TSHZ2: variants seen among roughly 807,000 people sequenced by gnomAD.
TSHZ2 encodes the protein teashirt homolog 2.
In TSHZ2, 21 loss-of-function variants were observed where a neutral mutation model predicts 74.4. The ratio of observed to expected loss-of-function variants is 0.28; its 90% CI spans 0.20 to 0.41. The LOEUF (loss-of-function observed/expected upper bound fraction) is 0.41, where lower values mean the gene tolerates loss of function less well. TSHZ2 is among the 10% of genes least tolerant of loss of function. The probability of loss-of-function intolerance (pLI) is 1.00; values close to 1 mark genes in which losing one functional copy is unlikely to be tolerated. For synonymous variants in TSHZ2, 540 were observed against 515.3 expected, an observed-to-expected ratio of 1.05 and a Z score of -0.65; for missense variants, 1,244 against 1,293.5, an observed-to-expected ratio of 0.96 and a Z score of 0.59.
At chr20:53,142,007 A>T (rs1987412107) in intron 1 of TSHZ2, among the ~76,000 whole-genome samples, 1 of 152,188 alleles carries the variant, frequency 6.6e-6, no homozygotes, top group Non-Finnish European at 1.5e-5. Flanking sequence ...CTCTGCTTGG[A>T]AGTTTTAAGA....
chr20:53,470,364 C>G (rs1178798837), intron 2 of TSHZ2, among the ~76,000 whole-genome samples: 1 of 152,138 alleles, frequency 6.6e-6, no homozygotes, highest in Non-Finnish European at 1.5e-5. Flanking sequence ...TTAAATGAAA[C>G]ACTAATAATG....
intron 2 of TSHZ2, among the ~76,000 whole-genome samples, chr20:53,452,402 C>A (rs1984827396): frequency 6.6e-6 from 1 of 152,146 alleles, no homozygotes; most frequent in African/African-American, 2.4e-5. Flanking sequence ...GAGTTCAAGA[C>A]CAGCCTGGCC....
At chr20:53,118,954 G>C (rs148283655) in intron 1 of TSHZ2, among the ~76,000 whole-genome samples, 1 of 152,080 alleles carries the variant, frequency 6.6e-6, no homozygotes, top group African/African-American at 2.4e-5. Context: ...AAGTGGGAGC[G>C]AGAGGGAGAG....
At chr20:53,160,985 C>A (rs1369222265) in intron 1 of TSHZ2, among the ~76,000 whole-genome samples, 1 of 151,618 alleles carries the variant, frequency 6.6e-6, no homozygotes, top group Non-Finnish European at 1.5e-5. Flanking sequence ...AGAATAAAGT[C>A]ATGATAAAGT....
At chr20:53,177,641 T>C (rs191551036) in intron 1 of TSHZ2, among the ~76,000 whole-genome samples, 1 of 152,236 alleles carries the variant, frequency 6.6e-6, no homozygotes, top group South Asian at 2.1e-4. Context: ...TTATATCCTA[T>C]GATTACATTA....
At chr20:53,072,771 G>C (rs1289913257) in intron 1 of TSHZ2, among the ~76,000 whole-genome samples, 2 of 152,160 alleles carry the variant, frequency 1.3e-5, no homozygotes, top group Non-Finnish European at 2.9e-5. Context: ...TGTGAGACTG[G>C]ACATTTCCTT....
At chr20:53,390,212 T>A (rs967633129) in intron 2 of TSHZ2, among the ~76,000 whole-genome samples, 1 of 152,238 alleles carries the variant, frequency 6.6e-6, no homozygotes, top group African/African-American at 2.4e-5. Context: ...GTCTTGATGT[T>A]GGCACTGGAT....
intron 2 of TSHZ2, among the ~76,000 whole-genome samples, chr20:53,443,518 C>A (rs2056713672): frequency 6.6e-6 from 1 of 152,196 alleles, no homozygotes; most frequent in Admixed American, 6.5e-5. Context: ...GATTTAGAAT[C>A]CTTTAACCCC....
In TSHZ2 at chr20:53,490,720, AAAAC is replaced by A. The variant is rs1397173050; in HGVS notation, c.*3593_*3596del. 2 of 152,276 alleles carry A rather than the reference AAAAC, an allele frequency of 1.3e-5. No individual in the cohort carries two copies. Among genetic ancestry groups the A allele is most frequent in the East Asian group, 3.8e-4 (2 of 5,202 alleles). The allele number at this position is 152,276 out of a possible 1,614,324, so 9.4% of individuals were successfully genotyped here. A position where few individuals can be genotyped will look rare whatever the true frequency, so the allele number is the denominator to read the frequency against. On this transcript the variant is annotated 3_prime_UTR_variant, in exon 3 of 3. Coordinates refer to ENST00000371497, the MANE Select transcript of TSHZ2 (RefSeq NM_173485.6). ...GCCGCTGAACTTAGTTGAGATGCAG[AAAAC>A]AAACAAATGCAATGACATATCTGAG...
chr20:53,304,738 T>C (rs1027720923), intron 2 of TSHZ2, among the ~76,000 whole-genome samples: 40 of 152,224 alleles, frequency 2.6e-4, no homozygotes, highest in Non-Finnish European at 5.1e-4. Context: ...TTCAAGTGAT[T>C]CTCCTGCCTC....
chr20:53,429,359 C>T (rs1983759090), intron 2 of TSHZ2, among the ~76,000 whole-genome samples: 1 of 152,224 alleles, frequency 6.6e-6, no homozygotes, highest in African/African-American at 2.4e-5. Context: ...TGTCCCCACC[C>T]ACATCTCACC....
intron 1 of TSHZ2, among the ~76,000 whole-genome samples, chr20:52,995,550 A>G (rs1181723714): frequency 6.6e-6 from 1 of 152,028 alleles, no homozygotes; most frequent in Non-Finnish European, 1.5e-5. Flanking sequence ...TAGGGTTGCA[A>G]CCAAGTGCTT....
intron 2 of TSHZ2, among the ~76,000 whole-genome samples, chr20:53,292,774 G>A (rs1448235805): frequency 2.6e-5 from 4 of 152,164 alleles, no homozygotes; most frequent in African/African-American, 9.7e-5. Flanking sequence ...CTCACTGTCA[G>A]GCTCCAGAGC....
rs2123184836 is a variant in TSHZ2 at position 53,067,050 on chromosome 20, G to A, written c.40+93717G>A. Among the ~76,000 whole-genome samples, 5 of 152,346 alleles carry A rather than the reference G, an allele frequency of 3.3e-5. No homozygotes were observed. The South Asian group carries it at 1.0e-3, about 32-fold the overall frequency. On this transcript the variant is annotated intron_variant, in intron 1 of 2. Transcript: ENST00000371497. Reference sequence around the variant, plus strand: ...AAAGGTAGATTTCTGAAGGAGTTGAGCGTGCATAGTAGAGCGTGATTCTGC... The same window carrying A: ...AAAGGTAGATTTCTGAAGGAGTTGAACGTGCATAGTAGAGCGTGATTCTGC...
intron 2 of TSHZ2, among the ~76,000 whole-genome samples, chr20:53,360,842 G>A (rs1447035643): frequency 6.6e-6 from 1 of 152,158 alleles, no homozygotes; most frequent in Non-Finnish European, 1.5e-5. Flanking sequence ...GTTGTGCTAT[G>A]ACAAACCTTA....
At chr20:53,223,502 C>A (rs1324539258) in intron 1 of TSHZ2, among the ~76,000 whole-genome samples, 2 of 152,098 alleles carry the variant, frequency 1.3e-5, no homozygotes, top group Non-Finnish European at 2.9e-5. Context: ...AGTGATCCTC[C>A]CACTTCTGCC....
intron 1 of TSHZ2, among the ~76,000 whole-genome samples, chr20:53,089,857 G>C (rs1012194035): frequency 6.6e-6 from 1 of 152,176 alleles, no homozygotes; most frequent in African/African-American, 2.4e-5. Context: ...TGTTAATCAG[G>C]GTTCTCCAGA....
rs576301797 is a variant in TSHZ2, at chr20:52,988,482, A to C, written c.40+15149A>C. On this transcript the variant is annotated intron_variant, in intron 1 of 2. Transcript: ENST00000371497. ...CTCATAGTATTTCATGCTTAACAGC[A>C]CAGACTCACATAAATAAACTTCCAC... is the stretch of plus-strand genomic sequence containing the variant. Among the ~76,000 whole-genome samples the C allele has an allele frequency of 5.8e-4, 88 of 152,292 alleles. 1 individual carries two copies. Among genetic ancestry groups the C allele is most frequent in the Non-Finnish European group, 1.2e-3 (80 of 68,030 alleles).
chr20:53,088,961 G>A (rs558451134), intron 1 of TSHZ2, among the ~76,000 whole-genome samples: 9 of 152,190 alleles, frequency 5.9e-5, no homozygotes, highest in African/African-American at 2.2e-4. Flanking sequence ...TTCTTCGGCT[G>A]GCTCAGGATG....
Sources: gnomAD v4.1 joint callset for allele counts (sites outside exome capture counted in the v4.1 genomes callset) on GRCh38, gnomAD v4.1.1 for gene constraint, MANE v1.5 for transcripts, NCBI Gene and HGNC (gene_info 2026-07-23, HGNC 2026-07-21) for gene names.